LRRC69: variants seen among roughly 807,000 people sequenced by gnomAD.
The protein encoded by LRRC69 is leucine rich repeat containing 69.
In LRRC69, 42 loss-of-function variants were observed where a neutral mutation model predicts 37.8. The ratio of observed to expected loss-of-function variants is 1.11; its 90% CI spans 0.87 to 1.44. The LOEUF is 1.44. Among genes scored for constraint, LRRC69 ranks in the 40% most tolerant of loss-of-function variants. The pLI is 0.00. For missense variants in LRRC69, 357 were observed against 401.9 expected, an observed-to-expected ratio of 0.89 and a Z score of 0.96; for synonymous variants, 141 against 143.1, an observed-to-expected ratio of 0.99 and a Z score of 0.11.
intron 7 of LRRC69, among the ~76,000 whole-genome samples, chr8:91,207,214 C>T (rs796766147): frequency 4.6e-5 from 7 of 152,304 alleles, no homozygotes; most frequent in African/African-American, 1.7e-4. Context: ...CACCTGTGTC[C>T]TGTTACTTCC....
At chr8:91,175,559 T>C (rs991983926) in intron 5 of LRRC69, among the ~76,000 whole-genome samples, 15 of 152,104 alleles carry the variant, frequency 9.9e-5, no homozygotes, top group Non-Finnish European at 2.2e-4. Context: ...TCAGAGTTTG[T>C]GGCCAGGCTA....
At position 91,166,415 on chromosome 8, in the gene LRRC69, A is replaced by G. The variant is rs1007026904; in HGVS notation, c.652-23107A>G. Among the ~76,000 whole-genome samples the G allele has an allele frequency of 2.0e-5, 3 of 149,772 alleles. No individual in the cohort carries two copies. In the East Asian group the frequency reaches 6.0e-4, roughly 30 times the overall value. On this transcript the variant is annotated intron_variant, in intron 5 of 7. Transcript: ENST00000448384. ...CTCATTTTTCCTTAGGCTACCCTACATATATGGGAGTCCTCTGGGGCAATC... is the reference window on the plus strand; with the variant it reads ...CTCATTTTTCCTTAGGCTACCCTACGTATATGGGAGTCCTCTGGGGCAATC...
intron 5 of LRRC69, among the ~76,000 whole-genome samples, chr8:91,171,334 A>G (rs1268183461): frequency 6.6e-6 from 1 of 151,764 alleles, no homozygotes; most frequent in Admixed American, 6.6e-5. Context: ...GTCAGAGTTG[A>G]GCTTCGGAGG....
At chr8:91,108,147 G>A (rs1744324147) in intron 1 of LRRC69, among the ~76,000 whole-genome samples, 1 of 152,002 alleles carries the variant, frequency 6.6e-6, no homozygotes, top group African/African-American at 2.4e-5. Flanking sequence ...GTCTGCCATA[G>A]CTTTTTATTT....
In LRRC69 at chr8:91,124,637, G is replaced by A. The variant is rs1205251064; in HGVS notation, c.310+18G>A. The A allele has an allele frequency of 1.1e-5, 16 of 1,513,836 alleles. No individual in the cohort carries two copies. The highest frequency in any genetic ancestry group is 2.6e-5 in the East Asian group (1 of 39,142). The allele number at this position is 1,513,836 out of a possible 1,614,324, so 93.8% of individuals were successfully genotyped here. On this transcript the variant is annotated intron_variant, in intron 2 of 7. Transcript: ENST00000448384. Reference sequence around the variant, plus strand: ...AGCCTGTGGTAATTTAATCAACAAGGAACAACATTATAGCATCAAATTTAA... The same window carrying A: ...AGCCTGTGGTAATTTAATCAACAAGAAACAACATTATAGCATCAAATTTAA...
intron 5 of LRRC69, among the ~76,000 whole-genome samples, chr8:91,145,995 A>G (rs1438603859): frequency 6.6e-6 from 1 of 151,866 alleles, no homozygotes; most frequent in African/African-American, 2.4e-5. Flanking sequence ...TAAGTTAGGG[A>G]ATACAACTAT....
At chr8:91,139,365 C>A (rs2130525563) in intron 5 of LRRC69, among the ~76,000 whole-genome samples, 1 of 151,980 alleles carries the variant, frequency 6.6e-6, no homozygotes, top group South Asian at 2.1e-4. Context: ...CACAGTTAAA[C>A]CCCATCTCTA....
chr8:91,195,240 T>A (rs1327033125), intron 6 of LRRC69, among the ~76,000 whole-genome samples: 4 of 152,108 alleles, frequency 2.6e-5, no homozygotes, highest in African/African-American at 9.7e-5. Flanking sequence ...CTTTTACATT[T>A]GCTGAGGAGA....
At chr8:91,171,841 G>A (rs1168305794) in intron 5 of LRRC69, among the ~76,000 whole-genome samples, 2 of 151,958 alleles carry the variant, frequency 1.3e-5, no homozygotes, top group African/African-American at 4.8e-5. Flanking sequence ...AATTACCCAT[G>A]GTCTGACCAA....
At chr8:91,108,919 C>G (rs974598840) in intron 1 of LRRC69, among the ~76,000 whole-genome samples, 3 of 151,882 alleles carry the variant, frequency 2.0e-5, no homozygotes, top group African/African-American at 7.2e-5. Flanking sequence ...AACTCTTCCT[C>G]CTTGGGCATT....
intron 5 of LRRC69, among the ~76,000 whole-genome samples, chr8:91,186,052 T>C (rs1409392216): frequency 6.6e-6 from 1 of 152,200 alleles, no homozygotes; most frequent in Non-Finnish European, 1.5e-5. Context: ...CCTGGGGCTT[T>C]GTGGGAACAA....
chr8:91,147,660 T>TA (rs1808646224), intron 5 of LRRC69, among the ~76,000 whole-genome samples: 1 of 151,828 alleles, frequency 6.6e-6, no homozygotes. Context: ...TGACACATTT[T>TA]AAAAAATCTT....
chr8:91,208,210 G>A (rs1277109488), intron 7 of LRRC69, among the ~76,000 whole-genome samples: 1 of 152,142 alleles, frequency 6.6e-6, no homozygotes, highest in Non-Finnish European at 1.5e-5. Context: ...AGTTTAGCCC[G>A]TAACAGCTAC....
At chr8:91,140,505 A>C (rs1808512846) in intron 5 of LRRC69, among the ~76,000 whole-genome samples, 1 of 151,992 alleles carries the variant, frequency 6.6e-6, no homozygotes, top group Admixed American at 6.6e-5. Flanking sequence ...TGTTTTCTTC[A>C]AGAATCTCAT....
At chr8:91,207,114 C>T (rs1442558079) in intron 7 of LRRC69, among the ~76,000 whole-genome samples, 2 of 152,120 alleles carry the variant, frequency 1.3e-5, no homozygotes, top group Middle Eastern at 3.2e-3. Context: ...GAACCCTGAT[C>T]CTTGAGAAAC....
intron 7 of LRRC69, among the ~76,000 whole-genome samples, chr8:91,215,585 A>C (rs530215933): frequency 1.3e-5 from 2 of 152,290 alleles, no homozygotes; most frequent in East Asian, 3.9e-4. Context: ...AATGGTGAAA[A>C]AGTAAACTGT....
At position 91,135,647 on chromosome 8, in the gene LRRC69, CTCTT is replaced by C. The variant is rs770832472; in HGVS notation, c.580-20_580-17del. ...TAAATATTAGATTTAAAAAATCTCT[CTCTT>C]CTGTTTTCTGACACAGGAACTTTGT... On this transcript the variant is annotated splice_polypyrimidine_tract_variant and intron_variant, in intron 4 of 7. Transcript: ENST00000448384. The C allele has an allele frequency of 2.2e-4, 303 of 1,379,562 alleles. No homozygotes were observed. The highest frequency in any genetic ancestry group is 9.4e-4 in the African/African-American group (62 of 65,724). The allele number at this position is 1,379,562 out of a possible 1,614,324, so 85.5% of individuals were successfully genotyped here.
intron 7 of LRRC69, among the ~76,000 whole-genome samples, chr8:91,213,606 A>G (rs959196997): frequency 2.4e-4 from 36 of 152,232 alleles, no homozygotes; most frequent in African/African-American, 8.7e-4. Context: ...CTAAAGAGGT[A>G]AAAGATATTA....
intron 5 of LRRC69, among the ~76,000 whole-genome samples, chr8:91,151,668 G>T (rs938876786): frequency 4.6e-5 from 7 of 151,648 alleles, no homozygotes; most frequent in African/African-American, 1.5e-4. Context: ...CCAGTAATGG[G>T]ATTGCTGGGT....
Sources: gnomAD v4.1 joint callset for allele counts (sites outside exome capture counted in the v4.1 genomes callset) on GRCh38, gnomAD v4.1.1 for gene constraint, MANE v1.5 for transcripts, NCBI Gene and HGNC (gene_info 2026-07-23, HGNC 2026-07-21) for gene names.